The following FOXP2 variants were observed in gnomAD, a reference collection of about 807,000 sequenced individuals.
The protein encoded by FOXP2 is forkhead box P2, also known as forkhead box protein P2.
A neutral mutation model predicts 115.8 loss-of-function variants in FOXP2; 12 were observed. That is an observed-to-expected ratio of 0.10 (90% CI 0.07 to 0.17). FOXP2 has a LOEUF of 0.17. Among genes scored for constraint, FOXP2 ranks in the 10% least tolerant of loss-of-function variants. The pLI is 1.00. For synonymous variants in FOXP2, 328 were observed against 297.7 expected, an observed-to-expected ratio of 1.10 and a Z score of -1.05; for missense variants, 629 against 843.5, an observed-to-expected ratio of 0.75 and a Z score of 3.15.
In FOXP2 at chr7:114,659,380, A is replaced by G; in HGVS notation, c.1493A>G (p.Tyr498Cys). ...SSEIAPNYEF[Y>C]KNADVRPPFT... ...GAAATTGCCCCAAACTATGAATTTT[A>G]TAAAAATGCAGATGTCAGACCTCCA... Residue 498 changes from tyrosine to cysteine, a missense_variant, in exon 12 of 17, where the codon TAT becomes TGT. By Grantham distance (194) the Tyr-to-Cys change is radical. This residue lies in a region of FOXP2 where 26 missense variants were observed against 61.1 expected (regional missense o/e 0.43). Coordinates refer to ENST00000350908, the MANE Select transcript of FOXP2 (RefSeq NM_014491.4). 1 of 1,612,960 alleles carries G rather than the reference A, an allele frequency of 6.2e-7. No homozygotes were observed.
intron 16 of FOXP2, chr7:114,666,496 A>G (rs1807169578): frequency 1.3e-5 from 2 of 152,178 alleles, no homozygotes; most frequent in South Asian, 4.1e-4. Flanking sequence ...AGGCAAAGGA[A>G]GAAATATTGA....
chr7:114,308,059 C>T lies in FOXP2; in HGVS notation c.-11+19950C>T, dbSNP rs571699943. On this transcript the variant is annotated intron_variant, in intron 2 of 17. Transcript: ENST00000634411. ...GGTCTAAGGTGTTTTCACTTAGTGC[C>T]GGGATTGTTGCTTTCACTCCATAGC... Among the ~76,000 whole-genome samples, 20 of 152,158 alleles carry T rather than the reference C, an allele frequency of 1.3e-4. 1 individual carries two copies. Among genetic ancestry groups the T allele is most frequent in the African/African-American group, 3.6e-4 (15 of 41,512 alleles).
At chr7:114,639,098 A>G (rs1805385889) in intron 6 of FOXP2, among the ~76,000 whole-genome samples, 1 of 152,186 alleles carries the variant, frequency 6.6e-6, no homozygotes, top group Admixed American at 6.5e-5. Flanking sequence ...AAAATCCAAA[A>G]ACTGAGTTAC....
intron 1 of FOXP2, among the ~76,000 whole-genome samples, chr7:114,088,494 A>C (rs1799473673): frequency 6.6e-6 from 1 of 152,148 alleles, no homozygotes; most frequent in African/African-American, 2.4e-5. Context: ...TCCAACTGGA[A>C]GTACTGGGAG....
intron 1 of FOXP2, among the ~76,000 whole-genome samples, chr7:114,246,970 T>C (rs2129168665): frequency 6.6e-6 from 1 of 152,330 alleles, no homozygotes; most frequent in Admixed American, 6.5e-5. Context: ...TATATTTTAA[T>C]ATTTCACATT....
chr7:114,631,770 T>G, intron 6 of FOXP2, 65 bp downstream of exon 6: 1 of 1,546,730 alleles, frequency 6.5e-7, no homozygotes, highest in African/African-American at 1.4e-5. Flanking sequence ...TCATGGCCTT[T>G]CTGCCTTATA....
Position 114,334,931 on chromosome 7 carries a change from C to CTATATATATATA in FOXP2, c.-11+46839_-11+46850dup, listed in dbSNP as rs144511332. Among the ~76,000 whole-genome samples, 94 of 119,316 alleles carry CTATATATATATA rather than the reference C, an allele frequency of 7.9e-4. No individual in the cohort carries two copies. In the East Asian group the frequency reaches 0.012, roughly 16 times the overall value. The allele number at this position is 119,316 out of a possible 152,430, so 78.3% of individuals were successfully genotyped here. On this transcript the variant is annotated intron_variant, in intron 2 of 17. Transcript: ENST00000634411. Reference sequence around the variant, plus strand: ...ATATATATTTTATATATATAGAAATCTATATATATATATATATATATATAT... The same window carrying CTATATATATATA: ...ATATATATTTTATATATATAGAAATCTATATATATATATATATATATATATATATATATATAT...
At chr7:114,155,921 C>T (rs574525531) in intron 1 of FOXP2, among the ~76,000 whole-genome samples, 19 of 152,182 alleles carry the variant, frequency 1.2e-4, no homozygotes, top group South Asian at 6.2e-4. Context: ...ATCCCTTCTC[C>T]GCTGACTCTT....
At chr7:114,432,186 A>G (rs1794141850) in intron 2 of FOXP2, among the ~76,000 whole-genome samples, 1 of 151,962 alleles carries the variant, frequency 6.6e-6, no homozygotes, top group Non-Finnish European at 1.5e-5. Context: ...AGGAAGATAC[A>G]TTGTTCAGTT....
At chr7:114,277,474 C>T (rs1272082005) in intron 1 of FOXP2, among the ~76,000 whole-genome samples, 1 of 151,764 alleles carries the variant, frequency 6.6e-6, no homozygotes, top group Non-Finnish European at 1.5e-5. Context: ...GTGCTTATAC[C>T]TACGTGATTT....
At chr7:114,128,383 C>A (rs191862807) in intron 1 of FOXP2, among the ~76,000 whole-genome samples, 22 of 151,756 alleles carry the variant, frequency 1.4e-4, no homozygotes, top group Admixed American at 1.3e-3. Context: ...AACTCTTACC[C>A]TAATATACAG....
chr7:114,113,792 A>C (rs1169865341), intron 1 of FOXP2, among the ~76,000 whole-genome samples: 1 of 152,022 alleles, frequency 6.6e-6, no homozygotes, highest in African/African-American at 2.4e-5. Flanking sequence ...GTGGGCCACC[A>C]CTCCTGGCCT....
chr7:114,590,413 TC>T (rs1167184020), intron 3 of FOXP2, among the ~76,000 whole-genome samples: 1 of 152,150 alleles, frequency 6.6e-6, no homozygotes, highest in Non-Finnish European at 1.5e-5. Context: ...AGGCTGACTC[TC>T]CAAACTAGGG....
chr7:114,555,661 G>A (rs1485588430), intron 3 of FOXP2, among the ~76,000 whole-genome samples: 1 of 152,138 alleles, frequency 6.6e-6, no homozygotes, highest in Non-Finnish European at 1.5e-5. Context: ...GCCAGGTGTG[G>A]TGTTACATGC....
intron 7 of FOXP2, among the ~76,000 whole-genome samples, chr7:114,643,553 T>C (rs928077789): frequency 3.3e-5 from 5 of 152,204 alleles, no homozygotes; most frequent in African/African-American, 1.2e-4. Flanking sequence ...AAATGTGTTA[T>C]GTTAGATAAT....
chr7:114,127,363 T>A (rs1393351077), intron 1 of FOXP2, among the ~76,000 whole-genome samples: 1 of 152,048 alleles, frequency 6.6e-6, no homozygotes, highest in Non-Finnish European at 1.5e-5. Context: ...GGGGAAAAGA[T>A]TATATAAGGG....
At chr7:114,252,847 T>C (rs1018429233) in intron 1 of FOXP2, among the ~76,000 whole-genome samples, 1 of 152,214 alleles carries the variant, frequency 6.6e-6, no homozygotes, top group Non-Finnish European at 1.5e-5. Flanking sequence ...TTTGAATGTG[T>C]TTGCTCTTGC....
intron 3 of FOXP2, among the ~76,000 whole-genome samples, chr7:114,622,700 C>T (rs1804320636): frequency 6.6e-6 from 1 of 151,882 alleles, no homozygotes; most frequent in Admixed American, 6.6e-5. Flanking sequence ...ATCAGGACAG[C>T]TTGCTTTTTG....
intron 7 of FOXP2, 85 bp from the exon 8 acceptor site, chr7:114,644,600 A>G (rs1805766591): frequency 1.8e-6 from 2 of 1,126,756 alleles, no homozygotes; most frequent in Admixed American, 1.8e-5. Context: ...CCTGTTTGTC[A>G]CTGATCGTAA....
Sources: gnomAD v4.1 joint callset for allele counts (sites outside exome capture counted in the v4.1 genomes callset) on GRCh38, gnomAD v4.1.1 for gene constraint, gnomAD v4.1.1 regional missense constraint, MANE v1.5 for transcripts, NCBI Gene and HGNC (gene_info 2026-07-23, HGNC 2026-07-21) for gene names.